Variants in PDZRN4 observed in about 807,000 individuals in gnomAD.
PDZRN4 encodes PDZ domain containing ring finger 4.
In PDZRN4, 70 loss-of-function variants were observed where a neutral mutation model predicts 99.0. The ratio of observed to expected loss-of-function variants is 0.71; its 90% CI spans 0.58 to 0.86. PDZRN4 has a LOEUF of 0.86. Among genes scored for constraint, PDZRN4 ranks in the 40% least tolerant of loss-of-function variants. The pLI is 0.00. For synonymous variants in PDZRN4, 551 were observed against 501.6 expected (o/e 1.10, Z -1.32); for missense variants, 1,474 against 1,331.2 (o/e 1.11, Z -1.67).
chr12:41,516,984 T>G (rs1030162214), intron 5 of PDZRN4, among the ~76,000 whole-genome samples: 11 of 152,068 alleles, frequency 7.2e-5, no homozygotes, highest in Non-Finnish European at 1.5e-4. Context: ...CTTGTAAGTC[T>G]TGCATTGTGA....
At chr12:41,496,448 T>C (rs1371124314) in intron 3 of PDZRN4, among the ~76,000 whole-genome samples, 2 of 152,090 alleles carry the variant, frequency 1.3e-5, no homozygotes, top group Admixed American at 6.6e-5. Flanking sequence ...TAGAGGCTCA[T>C]AGAGTTTCAG....
chr12:41,552,347 C>CATGTATACATGTATTTG (rs1325358610), intron 5 of PDZRN4, among the ~76,000 whole-genome samples: 1 of 151,982 alleles, frequency 6.6e-6, no homozygotes. Flanking sequence ...CCAGTGTATT[C>CATGTATACATGTATTTG]ATGTATACAT....
intron 3 of PDZRN4, among the ~76,000 whole-genome samples, chr12:41,407,009 GTGT>G (rs2120363517): frequency 6.6e-6 from 1 of 152,184 alleles, no homozygotes; most frequent in Admixed American, 6.5e-5. Context: ...CAACCTTTAG[GTGT>G]TCAAGAAATG....
chr12:41,197,841 A>G (rs1158443704), intron 3 of PDZRN4, among the ~76,000 whole-genome samples: 1 of 151,602 alleles, frequency 6.6e-6, no homozygotes, highest in Non-Finnish European at 1.5e-5. Flanking sequence ...TGAGAAACAA[A>G]GTTCACTGTT....
At chr12:41,389,261 C>T (rs537557958) in intron 3 of PDZRN4, among the ~76,000 whole-genome samples, 60 of 152,212 alleles carry the variant, frequency 3.9e-4, no homozygotes, top group African/African-American at 1.2e-3. Flanking sequence ...AGTGAAGCAA[C>T]ATCTAATTAT....
intron 3 of PDZRN4, among the ~76,000 whole-genome samples, chr12:41,484,647 C>T (rs1399352137): frequency 1.3e-5 from 2 of 152,284 alleles, no homozygotes; most frequent in South Asian, 2.1e-4. Flanking sequence ...TCCATCTCAC[C>T]TCATATAACC....
chr12:41,369,639 T>A (rs1041030615), intron 3 of PDZRN4, among the ~76,000 whole-genome samples: 1 of 152,044 alleles, frequency 6.6e-6, no homozygotes, highest in Non-Finnish European at 1.5e-5. Flanking sequence ...TAAATTTAAT[T>A]TCAGAATCTC....
chr12:41,506,026 A>G (rs1387270633), intron 3 of PDZRN4, among the ~76,000 whole-genome samples: 3 of 152,150 alleles, frequency 2.0e-5, no homozygotes, highest in African/African-American at 7.2e-5. Flanking sequence ...AGGAAATTTG[A>G]CAATATCTTA....
intron 3 of PDZRN4, among the ~76,000 whole-genome samples, chr12:41,293,462 A>G (rs542225119): frequency 1.1e-3 from 170 of 151,862 alleles, no homozygotes; most frequent in Non-Finnish European, 2.0e-3. Flanking sequence ...CATCACCTAA[A>G]TAGCCATAAA....
intron 3 of PDZRN4, among the ~76,000 whole-genome samples, chr12:41,316,456 A>ATATG (rs1491539067): frequency 1.4e-5 from 2 of 144,428 alleles, no homozygotes; most frequent in Admixed American, 1.4e-4. Context: ...AAAAAGGCAA[A>ATATG]TGTGTGTGTG....
At position 41,378,700 on chromosome 12, in the gene PDZRN4, T is replaced by C. The variant is rs1159167795; in HGVS notation, c.844-127756T>C. Among the ~76,000 whole-genome samples, 7 of 152,130 alleles carry C rather than the reference T, an allele frequency of 4.6e-5. No homozygotes were observed. The East Asian group carries it at 1.4e-3, about 29-fold the overall frequency. On this transcript the variant is annotated intron_variant, in intron 3 of 9. Transcript: ENST00000402685. ...ACCATGCCCAGCTAGTTTTTCTATTTTTAGTAGAGATGGGGTTTCACCACG... is the reference window on the plus strand; with the variant it reads ...ACCATGCCCAGCTAGTTTTTCTATTCTTAGTAGAGATGGGGTTTCACCACG...
At chr12:41,401,192 C>A (rs544151551) in intron 3 of PDZRN4, among the ~76,000 whole-genome samples, 1 of 152,040 alleles carries the variant, frequency 6.6e-6, no homozygotes, top group East Asian at 1.9e-4. Flanking sequence ...TTAAAAATAC[C>A]CACGAAGATA....
At chr12:41,537,224 GA>G (rs1832468341) in intron 5 of PDZRN4, among the ~76,000 whole-genome samples, 2 of 152,138 alleles carry the variant, frequency 1.3e-5, no homozygotes, top group South Asian at 4.1e-4. Flanking sequence ...TCAGAGGGTG[GA>G]AAAGCACTTC....
At chr12:41,424,741 A>G (rs1169895701) in intron 3 of PDZRN4, among the ~76,000 whole-genome samples, 1 of 152,198 alleles carries the variant, frequency 6.6e-6, no homozygotes, top group Non-Finnish European at 1.5e-5. Context: ...AGCTCCTCTG[A>G]GTGACTTTTC....
At chr12:41,444,246 A>G (rs1346170831) in intron 3 of PDZRN4, among the ~76,000 whole-genome samples, 1 of 152,062 alleles carries the variant, frequency 6.6e-6, no homozygotes, top group Non-Finnish European at 1.5e-5. Context: ...CTCCACTTTA[A>G]CGGTCTTAGC....
At chr12:41,397,935 A>T (rs947510070) in intron 3 of PDZRN4, among the ~76,000 whole-genome samples, 8 of 151,832 alleles carry the variant, frequency 5.3e-5, no homozygotes, top group African/African-American at 1.7e-4. Flanking sequence ...AACATGGTTT[A>T]AAAAAAATAG....
In PDZRN4 at chr12:41,555,187, C is replaced by T. The variant is rs1592110308; in HGVS notation, c.1303-511C>T. Reference sequence around the variant, plus strand: ...CGGAGCTTGCAGTGAGCGGAGATGGCGCCACTGCACTCCAGCCTGAGCGAC... The same window carrying T: ...CGGAGCTTGCAGTGAGCGGAGATGGTGCCACTGCACTCCAGCCTGAGCGAC... On this transcript the variant is annotated intron_variant, in intron 6 of 9. Transcript: ENST00000402685. Among the ~76,000 whole-genome samples, 6 of 138,434 alleles carry T rather than the reference C, an allele frequency of 4.3e-5. 1 individual carries two copies. The highest frequency in any genetic ancestry group is 2.7e-5 in the African/African-American group (1 of 36,914). 90.8% of individuals were successfully genotyped at this position (138,434 alleles called of 152,430 possible).
chr12:41,476,610 T>C (rs894204719), intron 3 of PDZRN4, among the ~76,000 whole-genome samples: 2 of 152,206 alleles, frequency 1.3e-5, no homozygotes, highest in Admixed American at 1.3e-4. Context: ...ACCTTTGGTC[T>C]ACTCTAAGAG....
At chr12:41,417,188 T>A (rs1423817332) in intron 3 of PDZRN4, among the ~76,000 whole-genome samples, 1 of 152,226 alleles carries the variant, frequency 6.6e-6, no homozygotes, top group East Asian at 1.9e-4. Context: ...TAGATATTTT[T>A]AACATTTTTG....
Sources: gnomAD v4.1 joint callset for allele counts (sites outside exome capture counted in the v4.1 genomes callset) on GRCh38, gnomAD v4.1.1 for gene constraint, MANE v1.5 for transcripts, NCBI Gene and HGNC (gene_info 2026-07-23, HGNC 2026-07-21) for gene names.